Variants in COL14A1 observed in about 807,000 individuals in gnomAD.
COL14A1 encodes collagen type XIV alpha 1 chain.
COL14A1 carries 136 observed loss-of-function variants against 230.3 expected under a neutral mutation model. The ratio of observed to expected loss-of-function variants is 0.59; its 90% CI spans 0.51 to 0.68. The LOEUF is 0.68. Among genes scored for constraint, COL14A1 ranks in the 30% least tolerant of loss-of-function variants. The probability of loss-of-function intolerance (pLI) is 0.00; values close to 1 mark genes in which losing one functional copy is unlikely to be tolerated. For synonymous variants in COL14A1, 792 were observed against 784.1 expected (o/e 1.01, Z -0.17); for missense variants, 1,976 against 2,215.8 (o/e 0.89, Z 2.17).
At chr8:120,163,948 G>A (rs1177449920) in intron 4 of COL14A1, among the ~76,000 whole-genome samples, 6 of 151,874 alleles carry the variant, frequency 4.0e-5, no homozygotes, top group African/African-American at 1.5e-4. Flanking sequence ...GAATCTTATA[G>A]TCTAGTGACC....
At position 120,162,539 on chromosome 8, in the gene COL14A1, G is replaced by C; in HGVS notation, c.319G>C (p.Glu107Gln). Residue 107 changes from glutamate to glutamine, a missense_variant, in exon 4 of 48, where the codon GAA (glutamate) becomes CAA (glutamine). This residue lies in a region of COL14A1 where 181 missense variants were observed against 178.6 expected (regional missense o/e 1.01). Transcript: ENST00000297848. Reference sequence around the variant, plus strand: ...AATTATTGCATACAATAAAGATAAAGAAAGCAAGCCAGCTCAAGGCCAATT... The same window carrying C: ...AATTATTGCATACAATAAAGATAAACAAAGCAAGCCAGCTCAAGGCCAATT... ...VQIIAYNKDK[E>Q]SKPAQGQFRI... 6.2e-7 allele frequency: 1 copy of C among 1,608,010 alleles called. No homozygotes were observed. The highest frequency in any genetic ancestry group is 1.1e-5 in the South Asian group (1 of 89,384).
At position 120,280,009 on chromosome 8, in the gene COL14A1, G is replaced by A. The variant is rs775543009; in HGVS notation, c.3556G>A (p.Ala1186Thr). 50 of 1,613,748 alleles carry A rather than the reference G, an allele frequency of 3.1e-5. No homozygotes were observed. The highest frequency in any genetic ancestry group is 9.9e-5 in the South Asian group (9 of 91,082). Residue 1186 changes from alanine to threonine, a missense_variant, in exon 29 of 48, where the codon GCA becomes ACA. Ala to Thr is a moderately conservative substitution (Grantham distance 58). Around this residue, in one of 3 missense-constraint regions of COL14A1, gnomAD observed 1,791 missense variants for 2,019.5 expected, o/e 0.89. Coordinates refer to ENST00000297848, the MANE Select transcript of COL14A1 (RefSeq NM_021110.4). ...ELVSIGSKPS[A>T]RHVFFVDDFD... ...GGTTAGCATTGGCAGTAAGCCCAGC[G>A]CACGCCATGTCTTCTTTGTGGATGA...
At chr8:120,245,461 C>A (rs1055000074) in intron 20 of COL14A1, among the ~76,000 whole-genome samples, 4 of 152,162 alleles carry the variant, frequency 2.6e-5, no homozygotes, top group Non-Finnish European at 4.4e-5. Flanking sequence ...CATGAAAACC[C>A]TTGGTTAAAG....
intron 5 of COL14A1, among the ~76,000 whole-genome samples, chr8:120,191,420 TA>T: frequency 6.6e-6 from 1 of 152,136 alleles, no homozygotes; most frequent in South Asian, 2.1e-4. Context: ...CAGTTTGTTA[TA>T]ATTTCTGTTC....
chr8:120,341,859 T>C (rs1822309032), intron 43 of COL14A1, among the ~76,000 whole-genome samples: 1 of 152,142 alleles, frequency 6.6e-6, no homozygotes, highest in African/African-American at 2.4e-5. Context: ...GTCGTCTCTC[T>C]CCTTTCAGCA....
chr8:120,179,324 A>C (rs571409082), intron 5 of COL14A1, among the ~76,000 whole-genome samples: 42 of 152,348 alleles, frequency 2.8e-4, no homozygotes, highest in Non-Finnish European at 4.4e-4. Flanking sequence ...TTAAGCTGAT[A>C]AGCAACTTCA....
chr8:120,153,421 C>T (rs913258462), intron 2 of COL14A1, among the ~76,000 whole-genome samples: 3 of 152,052 alleles, frequency 2.0e-5, no homozygotes, highest in South Asian at 2.1e-4. Context: ...CTGGGCTCAA[C>T]GAATCTGCCT....
chr8:120,224,866 T>G (rs1818045580), intron 14 of COL14A1, among the ~76,000 whole-genome samples: 1 of 152,200 alleles, frequency 6.6e-6, no homozygotes, highest in Non-Finnish European at 1.5e-5. Context: ...CTGGAATGAA[T>G]GGAAAGAATA....
intron 45 of COL14A1, among the ~76,000 whole-genome samples, chr8:120,356,607 A>G (rs1586894627): frequency 6.6e-6 from 1 of 152,064 alleles, no homozygotes; most frequent in Non-Finnish European, 1.5e-5. Flanking sequence ...AGCAAACAAC[A>G]TATCAATCAT....
intron 12 of COL14A1, among the ~76,000 whole-genome samples, chr8:120,210,760 G>A (rs550517894): frequency 6.6e-6 from 1 of 152,268 alleles, no homozygotes; most frequent in East Asian, 1.9e-4. Context: ...CTAAAATTGT[G>A]TAAAGCCTGT....
At chr8:120,193,220 T>G (rs1816891644) in intron 5 of COL14A1, among the ~76,000 whole-genome samples, 1 of 152,172 alleles carries the variant, frequency 6.6e-6, no homozygotes, top group South Asian at 2.1e-4. Context: ...ACGGATAGGT[T>G]TTTGGTGTGG....
chr8:120,340,073 A>T, intron 42 of COL14A1, among the ~76,000 whole-genome samples: 1 of 140,280 alleles, frequency 7.1e-6, no homozygotes, highest in East Asian at 2.1e-4. Context: ...GTGGGTGTGT[A>T]TGTGTGTGTA....
At position 120,225,186 on chromosome 8, in the gene COL14A1, A is replaced by G. The variant is rs1818056791; in HGVS notation, c.1836A>G (p.Ser612=). The change falls in exon 15 of 48, where the codon TCA becomes TCG. Residue 612 remains serine (S), a synonymous_variant. Transcript: ENST00000297848. ...TCTCCATCTATGATGAAGGACAGTC[A>G]GAGCCTCTGACTGGAGTTTTTACCA... ...AIFSIYDEGQ[S]EPLTGVFTTE... is the part of the protein sequence containing the mutation. The G allele has an allele frequency of 6.2e-7, 1 of 1,612,894 alleles. No homozygotes were observed.
rs539597674 is a variant in COL14A1 at position 120,226,561 on chromosome 8, G to A, written c.1865-66G>A. On this transcript the variant is annotated intron_variant, in intron 15 of 47. Coordinates refer to ENST00000297848, the MANE Select transcript of COL14A1 (RefSeq NM_021110.4). ...CAAAGAGTCTTCTACACCCCTGGGA[G>A]ATACTTGGGTTTTGGCTTTCTTGCC... 383 of 1,560,772 alleles carry A rather than the reference G, an allele frequency of 2.5e-4. 2 individuals carry two copies. The South Asian group carries it at 4.2e-3, about 17-fold the overall frequency.
At chr8:120,285,168 G>C (rs1027959481) in intron 32 of COL14A1, among the ~76,000 whole-genome samples, 6 of 151,846 alleles carry the variant, frequency 4.0e-5, no homozygotes, top group African/African-American at 1.5e-4. Flanking sequence ...AAAGACAAAG[G>C]GCCGGCCAGG....
intron 14 of COL14A1, among the ~76,000 whole-genome samples, chr8:120,217,311 C>T (rs996636882): frequency 2.0e-5 from 3 of 152,116 alleles, no homozygotes; most frequent in Non-Finnish European, 4.4e-5. Context: ...TGTTAAAACC[C>T]ATGAAGATAC....
At chr8:120,200,757 ATATATATATT>A (rs1246848386) in intron 8 of COL14A1, among the ~76,000 whole-genome samples, 38 of 66,104 alleles carry the variant, frequency 5.7e-4, no homozygotes, top group Non-Finnish European at 8.6e-4. Context: ...ATATATATAT[ATATATATATT>A]ATTTTTCATC....
Position 120,278,097 on chromosome 8 carries a change from C to T in COL14A1, c.3214-14C>T. 6.3e-7 allele frequency: 1 copy of T among 1,594,652 alleles called. No individual in the cohort carries two copies. The highest frequency in any genetic ancestry group is 8.5e-7 in the Non-Finnish European group (1 of 1,172,374). ...CTACATATGTGTGAAAATGAATACACCTTCTCTCTCCAGGTTGCAATGGTT... is the reference window on the plus strand; with the variant it reads ...CTACATATGTGTGAAAATGAATACATCTTCTCTCTCCAGGTTGCAATGGTT... On this transcript the variant is annotated splice_polypyrimidine_tract_variant and intron_variant, in intron 26 of 47. Transcript: ENST00000297848.
chr8:120,297,931 A>G (rs1455674499), intron 35 of COL14A1, among the ~76,000 whole-genome samples: 1 of 152,114 alleles, frequency 6.6e-6, no homozygotes, highest in East Asian at 1.9e-4. Flanking sequence ...AGGTCCAAAC[A>G]TCTTACTAAA....
Sources: allele counts gnomAD v4.1 joint callset (sites outside exome capture counted in the v4.1 genomes callset), GRCh38; gene constraint gnomAD v4.1.1; regional missense constraint gnomAD v4.1.1; transcripts MANE v1.5; gene names NCBI Gene and HGNC (gene_info 2026-07-23, HGNC 2026-07-21).